The following APPL2 variants were observed in gnomAD, a reference collection of about 807,000 sequenced individuals.
The protein encoded by APPL2 is DCC-interacting protein 13-beta.
A neutral mutation model predicts 92.7 loss-of-function variants in APPL2; 84 were observed. That is an observed-to-expected ratio of 0.91 (90% CI 0.76 to 1.09). APPL2 has a LOEUF of 1.09. APPL2 is among the 50% of genes least tolerant of loss of function. The pLI, the probability that APPL2 is intolerant of heterozygous loss-of-function variation, is 0.00. For missense variants in APPL2, 736 were observed against 824.5 expected (o/e 0.89, Z 1.31); for synonymous variants, 291 against 291.0 (o/e 1.00, Z 0.00).
intron 17 of APPL2, among the ~76,000 whole-genome samples, chr12:105,178,072 T>C (rs1010029863): frequency 6.6e-6 from 1 of 152,202 alleles, no homozygotes; most frequent in Non-Finnish European, 1.5e-5. Context: ...ATTACAGGCA[T>C]GAACCACCGC....
At chr12:105,178,618 T>C (rs1885786401) in intron 17 of APPL2, among the ~76,000 whole-genome samples, 1 of 152,176 alleles carries the variant, frequency 6.6e-6, no homozygotes, top group Admixed American at 6.5e-5. Flanking sequence ...AGACTTATAA[T>C]CAGAGAACTC....
chr12:105,207,637 C>T (rs1297426941), intron 7 of APPL2, among the ~76,000 whole-genome samples: 2 of 152,124 alleles, frequency 1.3e-5, no homozygotes, highest in East Asian at 3.9e-4. Context: ...TCCTAGAAAG[C>T]ATGGGTTAAA....
rs1890751100 is a variant in APPL2 at position 105,229,324 on chromosome 12, G to A, written c.55-101C>T. The stretch of plus-strand genomic sequence containing the variant: ...CCCGCACATGCAGAAACCAGAATGC[G>A]AGGAAAGAAAGGTACCTGTTGGTTC... On this transcript the variant is annotated intron_variant, in intron 1 of 20. Transcript: ENST00000258530. The A allele has an allele frequency of 1.1e-5, 12 of 1,119,988 alleles. No homozygotes were observed. The South Asian group carries it at 1.8e-4, about 17-fold the overall frequency. The allele number at this position is 1,119,988 out of a possible 1,614,324, so 69.4% of individuals were successfully genotyped here.
At chr12:105,235,890 C>T in intron 1 of APPL2, 69 bp downstream of exon 1, 2 of 1,197,870 alleles carry the variant, frequency 1.7e-6, no homozygotes, top group Non-Finnish European at 1.0e-6. Flanking sequence ...GCGGCCTCCA[C>T]TCCGGGGCTG....
Position 105,197,876 on chromosome 12 carries a change from C to A in APPL2, c.941G>T (p.Arg314Met). The change falls in exon 11 of 21, where the codon AGG becomes ATG. Residue 314 changes from arginine (R) to methionine (M), a missense_variant. Arg to Met is a moderately conservative substitution (Grantham distance 91). Coordinates refer to ENST00000258530, the MANE Select transcript of APPL2 (RefSeq NM_018171.5). ...TQGGNLMCQP[R>M]GAVAGGLIQD... is the part of the protein sequence containing the mutation. ...GATCAAACCTCCAGCCACGGCTCCC[C>A]TGGGCTGACACATGAGATTCCCGCC... The A allele has an allele frequency of 1.2e-6, 2 of 1,614,222 alleles. No individual in the cohort carries two copies.
In APPL2 at chr12:105,235,986, T is replaced by C; in HGVS notation, c.27A>G (p.Leu9=). 2 of 1,250,980 alleles carry C rather than the reference T, an allele frequency of 1.6e-6. No homozygotes were observed. Among genetic ancestry groups the C allele is most frequent in the Non-Finnish European group, 2.0e-6 (2 of 989,354 alleles). The allele number at this position is 1,250,980 out of a possible 1,614,324, so 77.5% of individuals were successfully genotyped here. MPAVDKLL[L]EEALQDSPQT... is the part of the protein sequence containing the mutation. ...GGGGGCTGTCCTGCAACGCCTCCTC[T>C]AGCAGGAGCTTGTCCACGGCGGGCA... is the stretch of plus-strand genomic sequence containing the variant. The change falls in exon 1 of 21, where the codon CTA becomes CTG. Residue 9 remains leucine, a synonymous_variant. Transcript: ENST00000258530.
At chr12:105,194,849 A>G (rs1469463999) in intron 14 of APPL2, among the ~76,000 whole-genome samples, 2 of 152,038 alleles carry the variant, frequency 1.3e-5, no homozygotes, top group African/African-American at 2.4e-5. Flanking sequence ...GTATGTTCAG[A>G]TAAGGCGTGG....
chr12:105,233,007 A>G, intron 1 of APPL2: 2 of 793,622 alleles, frequency 2.5e-6, no homozygotes, highest in Non-Finnish European at 3.1e-6. Context: ...CCGTTATGCC[A>G]ATCGCAAAAG....
chr12:105,191,503 T>C (rs1439164484), intron 14 of APPL2, among the ~76,000 whole-genome samples: 1 of 152,166 alleles, frequency 6.6e-6, no homozygotes, highest in African/African-American at 2.4e-5. Context: ...GTCTAAGATT[T>C]TGGCTCCCCA....
rs1484534825 is a variant in APPL2 at position 105,236,116 on chromosome 12, A to ACTCCGTGCCCGCGGCGGCCC, written c.-124_-105dup. ...TCTGGGCTCAGGCGACGCGGCGGCC[A>ACTCCGTGCCCGCGGCGGCCC]CTCCGTGCCCGCGGCGGCCCCGCGC... On this transcript the variant is annotated 5_prime_UTR_variant, in exon 1 of 21. Coordinates refer to ENST00000258530, the MANE Select transcript of APPL2 (RefSeq NM_018171.5). The ACTCCGTGCCCGCGGCGGCCC allele has an allele frequency of 1.8e-5, 15 of 841,374 alleles. No individual in the cohort carries two copies. The highest frequency in any genetic ancestry group is 1.2e-4 in the South Asian group (2 of 16,974). The allele number at this position is 841,374 out of a possible 1,614,324, so 52.1% of individuals were successfully genotyped here.
chr12:105,212,921 A>C (rs2136029720), intron 4 of APPL2, among the ~76,000 whole-genome samples: 1 of 152,322 alleles, frequency 6.6e-6, no homozygotes, highest in South Asian at 2.1e-4. Flanking sequence ...CGCTCAACCA[A>C]GTCAAAGCAT....
In APPL2 at chr12:105,231,331, A is replaced by G. The variant is rs116281274; in HGVS notation, c.55-2108T>C. On this transcript the variant is annotated intron_variant, in intron 1 of 20. Transcript: ENST00000258530. ...GAGAGGGTTTGCATGAATGTCCTCC[A>G]CAAAGAGGGTAGAAAGAAAACTAAA... Among the ~76,000 whole-genome samples, 226 of 152,374 alleles carry G rather than the reference A, an allele frequency of 1.5e-3. 1 individual carries two copies. Among genetic ancestry groups the G allele is most frequent in the African/African-American group, 5.3e-3 (220 of 41,582 alleles).
chr12:105,228,349 T>G (rs1566101240), intron 2 of APPL2, among the ~76,000 whole-genome samples: 1 of 152,128 alleles, frequency 6.6e-6, no homozygotes, highest in African/African-American at 2.4e-5. Flanking sequence ...CTCAAAAAGT[T>G]ACAGATTTTG....
At chr12:105,217,029 A>C (rs1347934414) in intron 4 of APPL2, 40 bp downstream of exon 4, 1 of 1,438,068 alleles carries the variant, frequency 7.0e-7, no homozygotes, top group Non-Finnish European at 9.6e-7. Context: ...AGAAAGTTCG[A>C]GAAAGAATCA....
chr12:105,182,833 T>A (rs531358166), intron 17 of APPL2, among the ~76,000 whole-genome samples: 2 of 152,186 alleles, frequency 1.3e-5, no homozygotes, highest in Non-Finnish European at 2.9e-5. Flanking sequence ...GTCTTGTTGA[T>A]CTAATATTGA....
At chr12:105,210,832 C>T (rs1291473158) in intron 5 of APPL2, among the ~76,000 whole-genome samples, 4 of 152,100 alleles carry the variant, frequency 2.6e-5, no homozygotes, top group Non-Finnish European at 4.4e-5. Flanking sequence ...ATTCACGGTT[C>T]CCCCAAGAAC....
At chr12:105,231,921 G>A (rs1387276299) in intron 1 of APPL2, among the ~76,000 whole-genome samples, 1 of 152,218 alleles carries the variant, frequency 6.6e-6, no homozygotes, top group African/African-American at 2.4e-5. Context: ...GAACAACAGA[G>A]ATATTCTGAG....
intron 5 of APPL2, among the ~76,000 whole-genome samples, chr12:105,209,977 T>C (rs75047461): frequency 1.3e-5 from 2 of 152,164 alleles, no homozygotes; most frequent in African/African-American, 2.4e-5. Context: ...TTTTTTTTTT[T>C]TGAGACGGAG....
intron 11 of APPL2, among the ~76,000 whole-genome samples, chr12:105,197,003 C>G (rs1887704454): frequency 6.6e-6 from 1 of 152,148 alleles, no homozygotes. Context: ...CGTCCCCACC[C>G]CTACCCCTGC....
Sources: allele counts gnomAD v4.1 joint callset (sites outside exome capture counted in the v4.1 genomes callset), GRCh38; gene constraint gnomAD v4.1.1; transcripts MANE v1.5; gene names NCBI Gene and HGNC (gene_info 2026-07-23, HGNC 2026-07-21).